The following PRKCE variants were observed in gnomAD, a reference collection of about 807,000 sequenced individuals.
The protein encoded by PRKCE is protein kinase C epsilon type.
A neutral mutation model predicts 85.4 loss-of-function variants in PRKCE; 16 were observed. The observed-to-expected ratio is 0.19, with a 90% CI of 0.13 to 0.28. The LOEUF (loss-of-function observed/expected upper bound fraction) is 0.28. Ranked by LOEUF, PRKCE falls within the 10% of genes least tolerant of loss-of-function variation. PRKCE has a pLI of 1.00. For synonymous variants in PRKCE, 388 were observed against 371.5 expected (o/e 1.04, Z -0.51); for missense variants, 573 against 975.2 (o/e 0.59, Z 5.49).
chr2:46,016,076 CAGTT>C (rs1706118790), intron 10 of PRKCE, among the ~76,000 whole-genome samples: 1 of 152,182 alleles, frequency 6.6e-6, no homozygotes, highest in Non-Finnish European at 1.5e-5. Context: ...TTGGCAGAAT[CAGTT>C]ATTAATAGAA....
chr2:45,764,730 A>G (rs1372157433), intron 1 of PRKCE, among the ~76,000 whole-genome samples: 1 of 152,188 alleles, frequency 6.6e-6, no homozygotes, highest in African/African-American at 2.4e-5. Context: ...TATTACTTCC[A>G]TGCCAGAAAC....
chr2:46,020,228 A>G (rs185316725), intron 10 of PRKCE, among the ~76,000 whole-genome samples: 51 of 152,132 alleles, frequency 3.4e-4, no homozygotes, highest in African/African-American at 1.2e-3. Flanking sequence ...CTGGGTACAC[A>G]GACCCAGTAT....
intron 11 of PRKCE, among the ~76,000 whole-genome samples, chr2:46,103,754 T>C (rs1456394424): frequency 6.6e-6 from 1 of 152,174 alleles, no homozygotes; most frequent in Non-Finnish European, 1.5e-5. Context: ...AAAATATTTA[T>C]AGAAAATCAT....
intron 2 of PRKCE, among the ~76,000 whole-genome samples, chr2:45,911,660 A>G (rs991212865): frequency 6.6e-6 from 1 of 152,196 alleles, no homozygotes; most frequent in African/African-American, 2.4e-5. Flanking sequence ...AGACCTGAAG[A>G]TAACTGAGTT....
intron 1 of PRKCE, among the ~76,000 whole-genome samples, chr2:45,746,000 A>AT (rs1683105036): frequency 6.6e-6 from 1 of 152,188 alleles, no homozygotes; most frequent in South Asian, 2.1e-4. Context: ...CTTGTTAATT[A>AT]TCACACGCCT....
chr2:45,684,186 T>G (rs1268587601), intron 1 of PRKCE, among the ~76,000 whole-genome samples: 1 of 152,254 alleles, frequency 6.6e-6, no homozygotes, highest in Non-Finnish European at 1.5e-5. Flanking sequence ...CAGGAGCTTC[T>G]GAAGTTGGCC....
rs115899685 is a variant in PRKCE, at chr2:46,085,444, C to A, written c.1438-764C>A. 5.9e-3 allele frequency among the ~76,000 whole-genome samples: 897 copies of A among 152,288 alleles called. 2 individuals carry two copies. The highest frequency in any genetic ancestry group is 0.011 in the South Asian group (53 of 4,826). ...ATGTATTCTCTGGCAGTTCTGGAAG[C>A]CAAGAGTCTAGCATCACTGGGCCTA... On this transcript the variant is annotated intron_variant, in intron 10 of 14. Coordinates refer to ENST00000306156, the MANE Select transcript of PRKCE (RefSeq NM_005400.3).
chr2:46,114,709 G>A (rs1188327929), intron 11 of PRKCE, among the ~76,000 whole-genome samples: 3 of 55,072 alleles, frequency 5.4e-5, no homozygotes, highest in South Asian at 6.4e-4. Flanking sequence ...ATGAGCCACC[G>A]TGCCCAGCCC....
chr2:46,092,714 G>A (rs919558704), intron 11 of PRKCE, among the ~76,000 whole-genome samples: 4 of 152,192 alleles, frequency 2.6e-5, no homozygotes, highest in Non-Finnish European at 5.9e-5. Context: ...GAGGTCTCTA[G>A]CTGTGCCCTC....
intron 2 of PRKCE, among the ~76,000 whole-genome samples, chr2:45,959,876 T>C (rs1372825055): frequency 3.3e-5 from 5 of 152,132 alleles, no homozygotes; most frequent in Non-Finnish European, 4.4e-5. Context: ...TGAGAGGGAG[T>C]TGTCTCTATG....
At chr2:45,792,365 G>T (rs927153328) in intron 1 of PRKCE, among the ~76,000 whole-genome samples, 2 of 152,084 alleles carry the variant, frequency 1.3e-5, no homozygotes, top group African/African-American at 4.8e-5. Flanking sequence ...ACCACACTTG[G>T]GATCACATTT....
intron 1 of PRKCE, among the ~76,000 whole-genome samples, chr2:45,716,073 C>T (rs1680061327): frequency 6.6e-6 from 1 of 152,232 alleles, no homozygotes; most frequent in African/African-American, 2.4e-5. Context: ...CCTCCTTTCT[C>T]TCCATTGTCT....
chr2:46,092,771 A>T (rs1670299489), intron 11 of PRKCE, among the ~76,000 whole-genome samples: 1 of 152,130 alleles, frequency 6.6e-6, no homozygotes, highest in South Asian at 2.1e-4. Flanking sequence ...TGTGATGTAA[A>T]TTTTAGTCCT....
chr2:45,941,906 G>T (rs1024100820), intron 2 of PRKCE, among the ~76,000 whole-genome samples: 8 of 152,178 alleles, frequency 5.3e-5, no homozygotes, highest in African/African-American at 1.9e-4. Flanking sequence ...CTAGCTGGAG[G>T]AGAGTTTTAC....
chr2:45,969,476 G>A (rs1701962696), intron 2 of PRKCE, among the ~76,000 whole-genome samples: 1 of 152,168 alleles, frequency 6.6e-6, no homozygotes, highest in Admixed American at 6.5e-5. Flanking sequence ...GCATCTTTTG[G>A]AGCGGTTCAG....
chr2:46,107,669 TC>T (rs1275608232), intron 11 of PRKCE, among the ~76,000 whole-genome samples: 1 of 152,246 alleles, frequency 6.6e-6, no homozygotes, highest in Non-Finnish European at 1.5e-5. Context: ...ATTTTGCATT[TC>T]TATCAACAGT....
chr2:46,174,205 A>G (rs1679194059), intron 14 of PRKCE, among the ~76,000 whole-genome samples: 1 of 152,248 alleles, frequency 6.6e-6, no homozygotes, highest in Admixed American at 6.5e-5. Flanking sequence ...GCTTGTCCCT[A>G]CGACTACAGG....
At chr2:45,688,444 CT>C (rs1572947325) in intron 1 of PRKCE, among the ~76,000 whole-genome samples, 1 of 152,174 alleles carries the variant, frequency 6.6e-6, no homozygotes, top group East Asian at 1.9e-4. Context: ...GGTTTTTCTT[CT>C]TTTTTTCCCC....
At chr2:46,093,143 C>T (rs1326066005) in intron 11 of PRKCE, among the ~76,000 whole-genome samples, 1 of 152,072 alleles carries the variant, frequency 6.6e-6, no homozygotes, top group Non-Finnish European at 1.5e-5. Context: ...ACATAAAATT[C>T]CTAAGGATCT....
Sources: gnomAD v4.1 joint callset for allele counts (sites outside exome capture counted in the v4.1 genomes callset) on GRCh38, gnomAD v4.1.1 for gene constraint, MANE v1.5 for transcripts, NCBI Gene and HGNC (gene_info 2026-07-23, HGNC 2026-07-21) for gene names.